The following POLD3 variants were observed in gnomAD, a reference collection of about 807,000 sequenced individuals.
POLD3 encodes the protein DNA polymerase delta 3, accessory subunit.
Under a neutral mutation model 58.2 loss-of-function variants are expected in POLD3, and 19 were observed. That is an observed-to-expected ratio of 0.33 (90% CI 0.23 to 0.48). The LOEUF (loss-of-function observed/expected upper bound fraction) is 0.48, where lower values mean the gene tolerates loss of function less well. Among genes scored for constraint, POLD3 ranks in the 20% least tolerant of loss-of-function variants. The pLI is 0.99. For synonymous variants in POLD3, 172 were observed against 193.5 expected (o/e 0.89, Z 0.92); for missense variants, 504 against 545.5 (o/e 0.92, Z 0.76).
chr11:74,626,212 A>G lies in POLD3; in HGVS notation c.899+639A>G, dbSNP rs950528795. ...GTTGAAAACATCAACAAAATGGTGA[A>G]ATTTTAGAGGGTTAAAGCTCTGTCC... On this transcript the variant is annotated intron_variant, in intron 8 of 11. Transcript: ENST00000263681. 1.3e-4 allele frequency among the ~76,000 whole-genome samples: 20 copies of G among 152,136 alleles called. 2 individuals carry two copies. Among genetic ancestry groups the G allele is most frequent in the Admixed American group, 9.8e-4 (15 of 15,274 alleles).
intron 5 of POLD3, among the ~76,000 whole-genome samples, chr11:74,613,266 C>T (rs112292224): frequency 1.3e-3 from 196 of 151,992 alleles, no homozygotes; most frequent in African/African-American, 4.4e-3. Flanking sequence ...AAATGTTTGT[C>T]GTGCCCTCTC....
intron 2 of POLD3, among the ~76,000 whole-genome samples, chr11:74,600,504 G>A (rs1439403638): frequency 1.3e-5 from 2 of 151,556 alleles, no homozygotes; most frequent in African/African-American, 2.4e-5. Flanking sequence ...ATTAGCCAGC[G>A]TGTGCCTGTA....
rs564356017 is a variant in POLD3 at position 74,642,586 on chromosome 11, G to A, written c.*1820G>A. 6 of 985,228 alleles carry A rather than the reference G, an allele frequency of 6.1e-6. No homozygotes were observed. In the South Asian group the frequency reaches 2.3e-4, roughly 39 times the overall value. 61.0% of individuals were successfully genotyped at this position (985,228 alleles called of 1,614,324 possible). On this transcript the variant is annotated 3_prime_UTR_variant, in exon 12 of 12. Coordinates refer to ENST00000263681, the MANE Select transcript of POLD3 (RefSeq NM_006591.3). ...TTGCAAGGGATAATACAAATCCTAT[G>A]ATCTCTATGCCCAATATGCTGCCTC...
intron 8 of POLD3, among the ~76,000 whole-genome samples, chr11:74,625,875 G>GTGTA (rs1339504737): frequency 7.0e-6 from 1 of 141,956 alleles, no homozygotes; most frequent in Non-Finnish European, 1.6e-5. Context: ...GCCTAGTTGT[G>GTGTA]TGTGTGTGTG....
At chr11:74,624,014 A>G (rs1462882830) in intron 7 of POLD3, among the ~76,000 whole-genome samples, 3 of 152,210 alleles carry the variant, frequency 2.0e-5, no homozygotes, top group African/African-American at 7.2e-5. Context: ...GGTAAACTCA[A>G]TGCAATAGCC....
At position 74,643,053 on chromosome 11, in the gene POLD3, G is replaced by A. The variant is rs192996139; in HGVS notation, c.*2287G>A. 119 of 474,940 alleles carry A rather than the reference G, an allele frequency of 2.5e-4. No individual in the cohort carries two copies. Among genetic ancestry groups the A allele is most frequent in the African/African-American group, 2.4e-3 (113 of 47,312 alleles). The allele number at this position is 474,940 out of a possible 1,614,324, so 29.4% of individuals were successfully genotyped here. A position where few individuals can be genotyped will look rare whatever the true frequency, so the allele number is the denominator to read the frequency against. On this transcript the variant is annotated 3_prime_UTR_variant, in exon 12 of 12. Coordinates refer to ENST00000263681, the MANE Select transcript of POLD3 (RefSeq NM_006591.3). ...CTTTATCAAAATAAAACTAAAATGA[G>A]TTACCAAGGGTGTCAAGACTAAAGT... is the stretch of plus-strand genomic sequence containing the variant.
intron 4 of POLD3, among the ~76,000 whole-genome samples, chr11:74,657,482 CATT>C (rs142796782): frequency 0.028 from 4,326 of 151,814 alleles, 241 homozygotes; most frequent in African/African-American, 0.099. Flanking sequence ...TCTTATGACT[CATT>C]ATTTTAAACT....
intron 5 of POLD3, among the ~76,000 whole-genome samples, chr11:74,617,999 G>A (rs1461029691): frequency 2.0e-5 from 3 of 152,202 alleles, no homozygotes; most frequent in Admixed American, 6.5e-5. Context: ...GATTACAAGC[G>A]TGAGCCAATG....
chr11:74,616,664 TACA>T (rs2032089100), intron 5 of POLD3, among the ~76,000 whole-genome samples: 9 of 152,342 alleles, frequency 5.9e-5, no homozygotes, highest in African/African-American at 1.9e-4. Flanking sequence ...TGTGTGTAAA[TACA>T]GAGTTTTCTG....
chr11:74,622,268 CATT>C (rs1168291626), intron 7 of POLD3, among the ~76,000 whole-genome samples: 1 of 151,978 alleles, frequency 6.6e-6, no homozygotes, highest in East Asian at 1.9e-4. Context: ...TCCAGTCTAT[CATT>C]GTTGGACATT....
chr11:74,656,128 T>C (rs991322776), intron 4 of POLD3, among the ~76,000 whole-genome samples: 2 of 152,234 alleles, frequency 1.3e-5, no homozygotes, highest in African/African-American at 4.8e-5. Flanking sequence ...TGAAATATGT[T>C]CAACATCTCT....
At chr11:74,625,871 T>TTGTGTGTGTGTGTG (rs56365420) in intron 8 of POLD3, among the ~76,000 whole-genome samples, 3,319 of 143,628 alleles carry the variant, frequency 0.023, 67 homozygotes, top group South Asian at 0.078. Flanking sequence ...GTGTGCCTAG[T>TTGTGTGTGTGTGTG]TGTGTGTGTG....
At chr11:74,629,717 T>C (rs1565124791) in intron 9 of POLD3, among the ~76,000 whole-genome samples, 3 of 152,072 alleles carry the variant, frequency 2.0e-5, no homozygotes, top group Admixed American at 6.6e-5. Flanking sequence ...TAGGGTTAAC[T>C]GGAACAACCT....
At chr11:74,597,608 A>G (rs1229525388) in intron 2 of POLD3, among the ~76,000 whole-genome samples, 1 of 152,174 alleles carries the variant, frequency 6.6e-6, no homozygotes. Context: ...CTACAGGCGC[A>G]TGCCACCACA....
intron 4 of POLD3, among the ~76,000 whole-genome samples, chr11:74,659,123 C>T (rs1199703065): frequency 6.6e-6 from 1 of 152,192 alleles, no homozygotes; most frequent in East Asian, 1.9e-4. Context: ...TCCCAAACCC[C>T]AGTTCTTGAC....
In POLD3 at chr11:74,618,734, C is replaced by T. The variant is rs1340244325; in HGVS notation, c.590C>T (p.Ala197Val). 1 of 1,614,088 alleles carries T rather than the reference C, an allele frequency of 6.2e-7. No individual in the cohort carries two copies. The highest frequency in any genetic ancestry group is 2.2e-5 in the East Asian group (1 of 44,886). The change falls in exon 6 of 12, where the codon GCC becomes GTC. Residue 197 changes from alanine to valine, a missense_variant. This residue lies in a region of POLD3 where 385 missense variants were observed against 370.5 expected (regional missense o/e 1.04). Transcript: ENST00000263681. ...QQPKGIMGMF[A>V]SKAAAKTQET... ...CCCAAAGGAATTATGGGAATGTTTG[C>T]CTCCAAAGCTGCTGCTAAAACCCAA... is the stretch of plus-strand genomic sequence containing the variant.
chr11:74,634,027 GTTA>G (rs2032674370), intron 9 of POLD3, among the ~76,000 whole-genome samples: 1 of 152,204 alleles, frequency 6.6e-6, no homozygotes, highest in Non-Finnish European at 1.5e-5. Flanking sequence ...TGGAACATTT[GTTA>G]TAACCTGAGG....
In POLD3 at chr11:74,609,548, T is replaced by A. The variant is rs573628184; in HGVS notation, c.220-1951T>A. Among the ~76,000 whole-genome samples, 7 of 150,770 alleles carry A rather than the reference T, an allele frequency of 4.6e-5. No homozygotes were observed. The South Asian group carries it at 1.1e-3, about 23-fold the overall frequency. On this transcript the variant is annotated intron_variant, in intron 3 of 11. Coordinates refer to ENST00000263681, the MANE Select transcript of POLD3 (RefSeq NM_006591.3). ...GGCGTCCACCGCCACGCCCTGCTAA[T>A]TTTTTTTGTATTTTAGTAGAGACGG...
downstream of POLD3, among the ~76,000 whole-genome samples, chr11:74,645,945 T>G (rs4944923): frequency 0.27 from 40,439 of 151,450 alleles, 5,777 homozygotes; most frequent in South Asian, 0.42. Context: ...TTGATGTTTT[T>G]TTTTTTTTTT....
Sources: gnomAD v4.1 joint callset for allele counts (sites outside exome capture counted in the v4.1 genomes callset) on GRCh38, gnomAD v4.1.1 for gene constraint, gnomAD v4.1.1 regional missense constraint, MANE v1.5 for transcripts, NCBI Gene and HGNC (gene_info 2026-07-23, HGNC 2026-07-21) for gene names.